SPATA6L: variants seen among roughly 807,000 people sequenced by gnomAD.
SPATA6L encodes spermatogenesis associated 6 like, also known as spermatogenesis associated 6-like protein.
Under a neutral mutation model 49.2 loss-of-function variants are expected in SPATA6L, and 68 were observed. That is an observed-to-expected ratio of 1.38 (90% CI 1.14 to 1.69). The LOEUF is 1.69. Among genes scored for constraint, SPATA6L ranks in the 40% most tolerant of loss-of-function variants. The pLI is 0.00. For missense variants in SPATA6L, 668 were observed against 464.3 expected (o/e 1.44, Z -4.03); for synonymous variants, 198 against 165.7 (o/e 1.19, Z -1.50).
chr9:4,606,761 T>TTCCTCTCCTCCTCCAAAGGAACGCAGC (rs1825311496), intron 9 of SPATA6L, among the ~76,000 whole-genome samples: 3 of 147,434 alleles, frequency 2.0e-5, no homozygotes, highest in Admixed American at 6.9e-5. Context: ...AGGAATGCAG[T>TTCCTCTCCTCCTCCAAAGGAACGCAGC]TCCTCACCAG....
chr9:4,647,332 C>A (rs1403718727), intron 3 of SPATA6L, among the ~76,000 whole-genome samples: 1 of 152,144 alleles, frequency 6.6e-6, no homozygotes, highest in Non-Finnish European at 1.5e-5. Context: ...TGGCTCGTGC[C>A]TGTAATCCCA....
rs41302077 is a variant in SPATA6L, at chr9:4,617,999, G to C, written c.919C>G (p.His307Asp). ...TAGGTGGCAAATGAAGCTTTCCCGTGGAAATCAGCATCCCCTTGTTTACTG... is the reference window on the plus strand; with the variant it reads ...TAGGTGGCAAATGAAGCTTTCCCGTCGAAATCAGCATCCCCTTGTTTACTG... The part of the protein sequence containing the change: ...SSSKQGDADF[H>D]GKASFATYQH... Residue 307 changes from histidine (H) to aspartate (D), a missense_variant, in exon 9 of 12, where the codon CAC (histidine) becomes GAC (aspartate). Physicochemically the swap from His to Asp is moderately conservative, Grantham distance 81. Transcript: ENST00000682582. The C allele has an allele frequency of 0.04, 65,029 of 1,613,842 alleles. 1,770 individuals carry two copies. Among genetic ancestry groups the C allele is most frequent in the Admixed American group, 0.086 (5,161 of 59,980 alleles).
chr9:4,605,453 T>G lies in SPATA6L; in HGVS notation c.996-13A>C. On this transcript the variant is annotated splice_polypyrimidine_tract_variant and intron_variant, in intron 9 of 11. Transcript: ENST00000682582. ...ACCAGGATGGAACCTGCTCAACAGA[T>G]GGAACAGGGTGGAATATTAAGCAGC... The G allele has an allele frequency of 1.3e-6, 2 of 1,588,920 alleles. No individual in the cohort carries two copies. The highest frequency in any genetic ancestry group is 1.3e-5 in the African/African-American group (1 of 74,556).
chr9:4,625,469 T>A lies in SPATA6L; in HGVS notation c.527A>T (p.Asn176Ile). 1 of 1,614,150 alleles carries A rather than the reference T, an allele frequency of 6.2e-7. No individual in the cohort carries two copies. The highest frequency in any genetic ancestry group is 8.5e-7 in the Non-Finnish European group (1 of 1,179,994). ...GGCTTGCATGCCTTTGGGCAGTCTGTTGAGATTATTCTCCTTTAGTTTCAT... is the reference window on the plus strand; with the variant it reads ...GGCTTGCATGCCTTTGGGCAGTCTGATGAGATTATTCTCCTTTAGTTTCAT... ...IKMKLKENNL[N>I]RLPKGMQARA... The change falls in exon 6 of 12, where the codon AAC (asparagine) becomes ATC (isoleucine). Residue 176 changes from asparagine (N) to isoleucine (I), a missense_variant. Transcript: ENST00000682582.
downstream of SPATA6L, among the ~76,000 whole-genome samples, chr9:4,598,099 G>A (rs1822452140): frequency 6.6e-6 from 1 of 152,012 alleles, no homozygotes; most frequent in African/African-American, 2.4e-5. Flanking sequence ...ACAGGCTTCA[G>A]CTAACTTTGG....
intron 4 of SPATA6L, among the ~76,000 whole-genome samples, chr9:4,634,119 T>C (rs1832256240): frequency 6.6e-6 from 1 of 152,220 alleles, no homozygotes; most frequent in African/African-American, 2.4e-5. Context: ...ATCTTGATAC[T>C]TGGCTGGATA....
downstream of SPATA6L, among the ~76,000 whole-genome samples, chr9:4,594,299 T>G (rs1221761176): frequency 2.0e-5 from 3 of 152,206 alleles, no homozygotes; most frequent in African/African-American, 7.2e-5. Flanking sequence ...AAGCTCTGCC[T>G]CCCGGGTTCA....
At chr9:4,618,212 G>A in intron 8 of SPATA6L, 102 bp from the exon 9 acceptor site, 2 of 981,286 alleles carry the variant, frequency 2.0e-6, no homozygotes, top group Non-Finnish European at 3.0e-6. Flanking sequence ...GGGCTAAGAT[G>A]ACAGAATATT....
At chr9:4,618,270 A>G (rs568492494) in intron 8 of SPATA6L, among the ~76,000 whole-genome samples, 160 bp from the exon 9 acceptor site, 21 of 151,974 alleles carry the variant, frequency 1.4e-4, no homozygotes, top group Non-Finnish European at 2.9e-4. Flanking sequence ...AGAAGAGAAG[A>G]CTAGTGACAA....
At position 4,663,232 on chromosome 9, in the gene SPATA6L, C is replaced by T. The variant is rs376833175; in HGVS notation, c.40-1196G>A. ...TGCTGGCTCTCACCCCATAATGCTC[C>T]GGTCCTCTTTTTACTGTGGAGTCAA... On this transcript the variant is annotated intron_variant, in intron 1 of 11. Coordinates refer to ENST00000682582, the MANE Select transcript of SPATA6L (RefSeq NM_001353486.2). The T allele has an allele frequency of 5.0e-6, 8 of 1,613,896 alleles. No individual in the cohort carries two copies. In the African/African-American group the frequency reaches 6.7e-5, roughly 13 times the overall value.
In SPATA6L at chr9:4,635,382, A is replaced by G. The variant is rs777691055; in HGVS notation, c.244T>C (p.Tyr82His). Residue 82 changes from tyrosine to histidine, a missense_variant, in exon 4 of 12, where the codon TAC becomes CAC. Physicochemically the swap from Tyr to His is moderately conservative, Grantham distance 83. Coordinates refer to ENST00000682582, the MANE Select transcript of SPATA6L (RefSeq NM_001353486.2). Reference sequence around the variant, plus strand: ...AAATCTCGTGTGTTTTCTTCGTAGTAGGCCAACTCATCCCACACTAGAAAG... The same window carrying G: ...AAATCTCGTGTGTTTTCTTCGTAGTGGGCCAACTCATCCCACACTAGAAAG... Reference protein sequence around the residue: ...DLLEMWDELAYYEENTRDFLF... With the variant: ...DLLEMWDELAHYEENTRDFLF... The G allele has an allele frequency of 1.3e-6, 2 of 1,588,200 alleles. No homozygotes were observed.
chr9:4,614,628 T>C (rs1816123535), intron 9 of SPATA6L, among the ~76,000 whole-genome samples: 1 of 152,172 alleles, frequency 6.6e-6, no homozygotes, highest in Non-Finnish European at 1.5e-5. Flanking sequence ...GCCACTTCTC[T>C]AGTGTGAAGG....
At chr9:4,619,189 A>G (rs62543890) in intron 7 of SPATA6L, among the ~76,000 whole-genome samples, 2 of 127,196 alleles carry the variant, frequency 1.6e-5, no homozygotes, top group African/African-American at 6.3e-5. Flanking sequence ...ATGGAGTCTC[A>G]CACTGTCGCC....
chr9:4,640,153 A>G (rs1833721282), intron 3 of SPATA6L, among the ~76,000 whole-genome samples: 1 of 152,240 alleles, frequency 6.6e-6, no homozygotes, highest in African/African-American at 2.4e-5. Context: ...TGACTTACCC[A>G]AAGCGAAGGT....
intron 3 of SPATA6L, among the ~76,000 whole-genome samples, chr9:4,638,501 C>T (rs1833303169): frequency 6.6e-6 from 1 of 152,164 alleles, no homozygotes. Context: ...GTGTGAGCCA[C>T]CACGCCCAGC....
At chr9:4,633,840 T>G (rs942273080) in intron 4 of SPATA6L, 1 of 152,214 alleles carries the variant, frequency 6.6e-6, no homozygotes, top group Non-Finnish European at 1.5e-5. Context: ...TTGGTTTTAT[T>G]TTGCTTTATA....
rs1327983760 is a variant in SPATA6L at position 4,600,661 on chromosome 9, A to G, written c.*150T>C. On this transcript the variant is annotated 3_prime_UTR_variant, in exon 12 of 12. Transcript: ENST00000682582. ...TAATCAACAACTCTTACCTGGGCAC[A>G]AAAGACTGAGTACAGGGTTTGGTTT... The G allele has an allele frequency of 6.6e-6, 1 of 152,198 alleles. No homozygotes were observed. Among genetic ancestry groups the G allele is most frequent in the Non-Finnish European group, 1.5e-5 (1 of 68,036 alleles). 9.4% of individuals were successfully genotyped at this position (152,198 alleles called of 1,614,324 possible). A position where few individuals can be genotyped will look rare whatever the true frequency, so the allele number is the denominator to read the frequency against.
At chr9:4,654,506 C>A (rs1220604653) in intron 3 of SPATA6L, among the ~76,000 whole-genome samples, 2 of 152,190 alleles carry the variant, frequency 1.3e-5, no homozygotes, top group African/African-American at 4.8e-5. Flanking sequence ...CTCAATTAGA[C>A]CCTCTACCAT....
At chr9:4,614,706 C>T (rs886197021) in intron 9 of SPATA6L, among the ~76,000 whole-genome samples, 2 of 152,128 alleles carry the variant, frequency 1.3e-5, no homozygotes, top group Non-Finnish European at 2.9e-5. Context: ...GTACTGAAAC[C>T]AGGACAGCCA....
Sources: gnomAD v4.1 joint callset for allele counts (sites outside exome capture counted in the v4.1 genomes callset) on GRCh38, gnomAD v4.1.1 for gene constraint, MANE v1.5 for transcripts, NCBI Gene and HGNC (gene_info 2026-07-23, HGNC 2026-07-21) for gene names.